IKBIP: variants seen among roughly 807,000 people sequenced by gnomAD.
IKBIP encodes the protein inhibitor of nuclear factor kappa-B kinase-interacting protein.
Under a neutral mutation model 31.0 loss-of-function variants are expected in IKBIP, and 28 were observed. The ratio of observed to expected loss-of-function variants is 0.90; its 90% CI spans 0.67 to 1.24. IKBIP has a LOEUF of 1.24. Among genes scored for constraint, IKBIP ranks in the 50% most tolerant of loss-of-function variants. The pLI, the probability that IKBIP is intolerant of heterozygous loss-of-function variation, is 0.00. For missense variants in IKBIP, 453 were observed against 441.9 expected (o/e 1.03, Z -0.23); for synonymous variants, 164 against 160.3 (o/e 1.02, Z -0.17).
chr12:98,642,194 G>A (rs1223760225), intron 1 of IKBIP, among the ~76,000 whole-genome samples: 3 of 152,172 alleles, frequency 2.0e-5, no homozygotes, highest in African/African-American at 7.2e-5. Flanking sequence ...GCGAAGTCTC[G>A]CTCTGTTATC....
chr12:98,632,959 C>A (rs1298351747), intron 2 of IKBIP, among the ~76,000 whole-genome samples: 1 of 152,000 alleles, frequency 6.6e-6, no homozygotes, highest in Non-Finnish European at 1.5e-5. Context: ...TGTGAAAATA[C>A]CAACTCCTTT....
At chr12:98,623,385 C>G (rs749738334), downstream of IKBIP, among the ~76,000 whole-genome samples, 1 of 150,428 alleles carries the variant, frequency 6.6e-6, no homozygotes, top group East Asian at 1.9e-4. Context: ...CAGCCTCCTG[C>G]GTCGCTAGGA....
intron 1 of IKBIP, among the ~76,000 whole-genome samples, chr12:98,636,426 G>A (rs893363095): frequency 6.6e-6 from 1 of 152,198 alleles, no homozygotes; most frequent in African/African-American, 2.4e-5. Context: ...TTAATGGAGA[G>A]GTGAAAGACT....
chr12:98,640,711 T>G (rs35396543), intron 1 of IKBIP, among the ~76,000 whole-genome samples: 1 of 151,976 alleles, frequency 6.6e-6, no homozygotes, highest in Non-Finnish European at 1.5e-5. Context: ...ACTCAAGCCA[T>G]ATGGGTTTGG....
At chr12:98,643,124 T>C (rs2097632095) in intron 1 of IKBIP, among the ~76,000 whole-genome samples, 1 of 152,106 alleles carries the variant, frequency 6.6e-6, no homozygotes, top group Non-Finnish European at 1.5e-5. Flanking sequence ...GGCTAATTTT[T>C]GTATTTTTTG....
At chr12:98,622,328 C>A (rs951958174), downstream of IKBIP, among the ~76,000 whole-genome samples, 14 of 152,066 alleles carry the variant, frequency 9.2e-5, no homozygotes, top group African/African-American at 3.1e-4. Flanking sequence ...GAGTTTGAGA[C>A]CAGCCTGGGC....
chr12:98,624,157 CGGTGAGAAAAAAAT>C (rs2097612206), downstream of IKBIP: 1 of 415,050 alleles, frequency 2.4e-6, no homozygotes, highest in African/African-American at 2.6e-5. Flanking sequence ...ATGTGGTGAT[CGGTGAGAAAAAAAT>C]ATTTAAACGT....
chr12:98,626,991 C>A (rs774201519), intron 2 of IKBIP, among the ~76,000 whole-genome samples: 1 of 152,044 alleles, frequency 6.6e-6, no homozygotes, highest in African/African-American at 2.4e-5. Context: ...ATTTTTTAGA[C>A]GGAATCTCAC....
At chr12:98,614,747 C>T (rs983297360) in intron 2 of IKBIP, among the ~76,000 whole-genome samples, 4 of 152,116 alleles carry the variant, frequency 2.6e-5, no homozygotes, top group Non-Finnish European at 5.9e-5. Flanking sequence ...TATTTTTTAA[C>T]TACACTTTAC....
chr12:98,631,302 A>G (rs539012104), intron 2 of IKBIP, among the ~76,000 whole-genome samples: 1 of 146,862 alleles, frequency 6.8e-6, no homozygotes, highest in African/African-American at 2.5e-5. Flanking sequence ...TTTTTTTGAG[A>G]TGGAGTCTCA....
chr12:98,625,008 T>C lies in IKBIP; in HGVS notation c.*922A>G, dbSNP rs2097612983. The C allele has an allele frequency of 1.3e-5, 6 of 449,588 alleles. No individual in the cohort carries two copies. The highest frequency in any genetic ancestry group is 1.8e-5 in the Non-Finnish European group (6 of 340,774). The allele number at this position is 449,588 out of a possible 1,614,324, so 27.8% of individuals were successfully genotyped here. A position where few individuals can be genotyped will look rare whatever the true frequency, so the allele number is the denominator to read the frequency against. On this transcript the variant is annotated 3_prime_UTR_variant, in exon 3 of 3. Coordinates refer to ENST00000299157, the MANE Select transcript of IKBIP (RefSeq NM_153687.4). ...TTTTAGTAGAGACAGGGTTTCACCC[T>C]GTTAGCCAGATGGTCTTGATCTCCT...
rs61756485 is a variant in IKBIP at position 98,626,347 on chromosome 12, T to C, written c.717A>G (p.Glu239=). ...GGGCATGCTGTTCCTCTTCTAACTTTTCAATTGCCTTTGTATCAGAGCCTA... is the reference window on the plus strand; with the variant it reads ...GGGCATGCTGTTCCTCTTCTAACTTCTCAATTGCCTTTGTATCAGAGCCTA... ...EQLGSDTKAI[E]KLEEEQHALF... Residue 239 remains glutamate (E), a synonymous_variant, in exon 3 of 3, where the codon GAA becomes GAG. Transcript: ENST00000299157. 0.02 allele frequency: 32,276 copies of C among 1,614,124 alleles called. 400 individuals carry two copies. Among genetic ancestry groups the C allele is most frequent in the Non-Finnish European group, 0.023 (26,964 of 1,180,020 alleles).
chr12:98,613,976 C>G (rs376794268), exon 3 of IKBIP: 8 of 1,612,210 alleles, frequency 5.0e-6, no homozygotes, highest in Non-Finnish European at 6.8e-6. Context: ...TCGATCAATA[C>G]TGCTTGAAAG....
At chr12:98,629,964 G>A (rs2097618404) in intron 2 of IKBIP, among the ~76,000 whole-genome samples, 2 of 151,888 alleles carry the variant, frequency 1.3e-5, no homozygotes, top group Non-Finnish European at 1.5e-5. Flanking sequence ...GTAGAGATGG[G>A]GTCTCACCAT....
Position 98,625,257 on chromosome 12 carries a change from TAA to T in IKBIP, c.*671_*672del. 2 of 980,426 alleles carry T rather than the reference TAA, an allele frequency of 2.0e-6. No homozygotes were observed. The highest frequency in any genetic ancestry group is 2.4e-6 in the Non-Finnish European group (2 of 825,332). 60.7% of individuals were successfully genotyped at this position (980,426 alleles called of 1,614,324 possible). A position where few individuals can be genotyped will look rare whatever the true frequency, so the allele number is the denominator to read the frequency against. On this transcript the variant is annotated 3_prime_UTR_variant, in exon 3 of 3. Transcript: ENST00000299157. ...TGTAAGAACATACTTACTCTGATTT[TAA>T]AAGTCTTACAAGTATCTGTAACACA...
downstream of IKBIP, among the ~76,000 whole-genome samples, chr12:98,622,022 G>C (rs911739796): frequency 6.6e-6 from 1 of 150,754 alleles, no homozygotes; most frequent in African/African-American, 2.5e-5. Flanking sequence ...GTTGCAGTGA[G>C]CTGAGATCGC....
chr12:98,621,453 G>A (rs2097610078), downstream of IKBIP, among the ~76,000 whole-genome samples: 1 of 152,164 alleles, frequency 6.6e-6, no homozygotes, highest in South Asian at 2.1e-4. Flanking sequence ...CAGCTTTTGA[G>A]GGACTGAGTC....
chr12:98,631,917 G>A (rs963796970), intron 2 of IKBIP, among the ~76,000 whole-genome samples: 13 of 150,910 alleles, frequency 8.6e-5, no homozygotes, highest in South Asian at 2.1e-4. Context: ...GCACAATGGC[G>A]TGATCTCAGC....
rs530232261 is a variant in IKBIP, at chr12:98,618,652, G to C, written c.298-4312C>G. Among the ~76,000 whole-genome samples the C allele has an allele frequency of 4.6e-5, 7 of 151,560 alleles. No homozygotes were observed. The East Asian group carries it at 1.2e-3, about 25-fold the overall frequency. On this transcript the variant is annotated intron_variant, in intron 2 of 2. Transcript: ENST00000342502. The stretch of plus-strand genomic sequence containing the variant: ...AAAAAAAAAAAAAAAATTTGAGATG[G>C]GGGTCTCACTATGCTGCCCAGGCTG...
Sources: gnomAD v4.1 joint callset for allele counts (sites outside exome capture counted in the v4.1 genomes callset) on GRCh38, gnomAD v4.1.1 for gene constraint, MANE v1.5 for transcripts, NCBI Gene and HGNC (gene_info 2026-07-23, HGNC 2026-07-21) for gene names.